Variants in ZNF875 observed in about 807,000 individuals in gnomAD.
ZNF875 encodes the protein zinc finger protein 875, also known as HKR1, GLI-Kruppel zinc finger family member.
Under a neutral mutation model 11.2 loss-of-function variants are expected in ZNF875, and 14 were observed. The ratio of observed to expected loss-of-function variants is 1.26; its 90% CI spans 0.83 to 1.96. The LOEUF is 1.96. Ranked by LOEUF, ZNF875 falls within the 30% of genes most tolerant of loss-of-function variation. ZNF875 has a pLI of 0.00. For missense variants in ZNF875, 752 were observed against 760.4 expected (o/e 0.99, Z 0.13); for synonymous variants, 301 against 281.1 (o/e 1.07, Z -0.71).
At chr19:37,340,712 G>A (rs920441853) in intron 2 of ZNF875, among the ~76,000 whole-genome samples, 3 of 138,190 alleles carry the variant, frequency 2.2e-5, no homozygotes, top group Non-Finnish European at 4.5e-5. Flanking sequence ...GCAGTGTCAC[G>A]ATCTCAGCTC....
rs11666571 is a variant in ZNF875 at position 37,338,225 on chromosome 19, C to T, written c.33+2968C>T. Among the ~76,000 whole-genome samples the T allele has an allele frequency of 6.3e-3, 962 of 152,250 alleles. 6 individuals are homozygous for T. Among genetic ancestry groups the T allele is most frequent in the South Asian group, 0.024 (117 of 4,826 alleles). ...GCAGTCTCCGCCTCCTGGGTTCAAG[C>T]GATTCTCCTGCCTCAGCCTCCCGAG... On this transcript the variant is annotated intron_variant, in intron 2 of 4. Transcript: ENST00000392153.
chr19:37,342,220 G>C (rs2035859365), intron 2 of ZNF875, among the ~76,000 whole-genome samples: 1 of 152,244 alleles, frequency 6.6e-6, no homozygotes, highest in African/African-American at 2.4e-5. Context: ...ACTTTACTCT[G>C]AGTTTATTTT....
At chr19:37,324,008 G>C (rs1179344205) in intron 3 of ZNF875, among the ~76,000 whole-genome samples, 1 of 152,246 alleles carries the variant, frequency 6.6e-6, no homozygotes, top group African/African-American at 2.4e-5. Context: ...TCATGTCATG[G>C]TGATTAGAGC....
intron 2 of ZNF875, chr19:37,337,100 T>C (rs1489140341): frequency 6.6e-6 from 1 of 152,222 alleles, no homozygotes; most frequent in Non-Finnish European, 1.5e-5. Context: ...AAATCTGCAC[T>C]GTTCTTTGGT....
upstream of ZNF875, chr19:37,334,554 G>T (rs1332196004): frequency 8.1e-6 from 3 of 371,832 alleles, no homozygotes; most frequent in South Asian, 2.0e-5. Context: ...CGACTTCTCC[G>T]CCTCTGTAGC....
intron 2 of ZNF875, among the ~76,000 whole-genome samples, 199 bp downstream of exon 2, chr19:37,335,456 C>A (rs1431079333): frequency 6.6e-6 from 1 of 152,142 alleles, no homozygotes; most frequent in East Asian, 1.9e-4. Flanking sequence ...CACTTGTAAC[C>A]TGCACGGACC....
chr19:37,351,281 G>C (rs937825176), intron 4 of ZNF875, among the ~76,000 whole-genome samples: 3 of 152,082 alleles, frequency 2.0e-5, no homozygotes, highest in African/African-American at 7.2e-5. Context: ...TATTTCTCTA[G>C]TGGTGCTTCC....
chr19:37,320,170 C>T (rs1240797909), intron 1 of ZNF875, among the ~76,000 whole-genome samples: 2 of 152,212 alleles, frequency 1.3e-5, no homozygotes, highest in Admixed American at 6.5e-5. Flanking sequence ...CCACCGCACC[C>T]GGCCATAACT....
upstream of ZNF875, among the ~76,000 whole-genome samples, chr19:37,317,747 A>C (rs1367556538): frequency 6.6e-6 from 1 of 152,220 alleles, no homozygotes; most frequent in African/African-American, 2.4e-5. Flanking sequence ...GAACCTGCAC[A>C]TCCATTGACT....
chr19:37,350,573 T>C (rs776252963), intron 4 of ZNF875, among the ~76,000 whole-genome samples: 3 of 152,072 alleles, frequency 2.0e-5, no homozygotes, highest in Non-Finnish European at 4.4e-5. Flanking sequence ...AAAGACTTTA[T>C]TCAGATTCAG....
intron 2 of ZNF875, chr19:37,344,946 A>T: frequency 1.7e-6 from 1 of 605,056 alleles, no homozygotes. Context: ...TTTAATGATG[A>T]ACAGTTTCAG....
At chr19:37,335,024 G>A (rs2034039947) in intron 1 of ZNF875, 145 bp from the exon 2 acceptor site, 1 of 560,816 alleles carries the variant, frequency 1.8e-6, no homozygotes, top group African/African-American at 1.9e-5. Flanking sequence ...GGTCATCCTG[G>A]CCCCCCACTG....
Position 37,362,380 on chromosome 19 carries a change from A to G in ZNF875, c.528A>G (p.Ala176=). ...TAAGCAAAAATGGCACTTCAAAGGC[A>G]CTTTCCAGCCCACCTGAAGAACAAC... ...GRVSKNGTSK[A]LSSPPEEQQP... is the part of the protein sequence containing the mutation. Residue 176 remains alanine, a synonymous_variant, in exon 5 of 5, where the codon GCA becomes GCG. Transcript: ENST00000392153. The G allele has an allele frequency of 6.2e-7, 1 of 1,614,126 alleles. No homozygotes were observed. The highest frequency in any genetic ancestry group is 1.3e-5 in the African/African-American group (1 of 75,038).
chr19:37,332,502 C>T (rs2033558401), upstream of ZNF875, among the ~76,000 whole-genome samples: 1 of 152,176 alleles, frequency 6.6e-6, no homozygotes, highest in African/African-American at 2.4e-5. Context: ...CAGGCGTGAG[C>T]CACCATGCCT....
In ZNF875 at chr19:37,363,493, TA is replaced by T. The variant is rs780161833; in HGVS notation, c.1643del (p.Asn548ThrfsTer26). ...GTGGCAGAAGGTTTCGGCAGAAGCCTAACCTGTTTAGGCACAAGAGGGCACA... is the reference window on the plus strand; with the variant it reads ...GTGGCAGAAGGTTTCGGCAGAAGCCTACCTGTTTAGGCACAAGAGGGCACA... ...ECGRRFRQKP[N>X]LFRHKRAHSG... is the part of the protein sequence containing the mutation. On this transcript the variant is annotated frameshift_variant, in exon 5 of 5. Transcript: ENST00000392153. LOFTEE classifies it low-confidence loss of function (END_TRUNC). 3.1e-6 allele frequency: 5 copies of T among 1,612,720 alleles called. No homozygotes were observed. Among genetic ancestry groups the T allele is most frequent in the African/African-American group, 1.3e-5 (1 of 74,546 alleles).
intron 4 of ZNF875, among the ~76,000 whole-genome samples, chr19:37,324,645 G>T (rs539752556): frequency 6.6e-6 from 1 of 152,268 alleles, no homozygotes; most frequent in East Asian, 1.9e-4. Flanking sequence ...CTGTTAGTGA[G>T]AAATTAAAAT....
chr19:37,330,923 C>G (rs1468668567), upstream of ZNF875, among the ~76,000 whole-genome samples: 1 of 152,022 alleles, frequency 6.6e-6, no homozygotes, highest in Non-Finnish European at 1.5e-5. Context: ...CGTGGTGGCT[C>G]ACGCCTGTAA....
At chr19:37,324,455 C>T (rs2032066268) in intron 4 of ZNF875, among the ~76,000 whole-genome samples, 2 of 152,182 alleles carry the variant, frequency 1.3e-5, no homozygotes, top group Admixed American at 6.5e-5. Context: ...CAGGTTTCAA[C>T]TGCAGATATC....
chr19:37,361,923 A>C, intron 4 of ZNF875, 186 bp from the exon 5 acceptor site: 1 of 481,922 alleles, frequency 2.1e-6, no homozygotes, highest in Non-Finnish European at 3.4e-6. Context: ...TAAAAAAAAA[A>C]ACAAAAAAAC....
Sources: gnomAD v4.1 joint callset for allele counts (sites outside exome capture counted in the v4.1 genomes callset) on GRCh38, gnomAD v4.1.1 for gene constraint, MANE v1.5 for transcripts, NCBI Gene and HGNC (gene_info 2026-07-23, HGNC 2026-07-21) for gene names.